Variants in FA2H observed in about 807,000 individuals in gnomAD.
The protein encoded by FA2H is fatty acid 2-hydroxylase.
FA2H carries 22 observed loss-of-function variants against 44.9 expected under a neutral mutation model. That is an observed-to-expected ratio of 0.49 (90% CI 0.35 to 0.70). The LOEUF (loss-of-function observed/expected upper bound fraction) is 0.70. Among genes scored for constraint, FA2H ranks in the 30% least tolerant of loss-of-function variants. The pLI is 0.01. For missense variants in FA2H, 501 were observed against 504.9 expected, an observed-to-expected ratio of 0.99 and a Z score of 0.07; for synonymous variants, 243 against 213.2, an observed-to-expected ratio of 1.14 and a Z score of -1.22.
intron 1 of FA2H, among the ~76,000 whole-genome samples, chr16:74,742,675 G>T (rs1962337205): frequency 6.6e-6 from 1 of 151,876 alleles, no homozygotes; most frequent in Non-Finnish European, 1.5e-5. Context: ...CTCTATCAAA[G>T]AAAAAATAAA....
intron 5 of FA2H, 38 bp downstream of exon 5, chr16:74,718,950 C>T (rs1961769939): frequency 6.2e-6 from 10 of 1,610,010 alleles, no homozygotes; most frequent in Non-Finnish European, 7.6e-6. Context: ...TCTCGGGCTG[C>T]ACATGCTAGG....
rs377341219 is a variant in FA2H at position 74,752,320 on chromosome 16, G to A, written c.271-12205C>T. On this transcript the variant is annotated intron_variant, in intron 1 of 6. Coordinates refer to ENST00000219368, the MANE Select transcript of FA2H (RefSeq NM_024306.5). ...TTCTGCTTAAAATCCTCCAGTGGCC[G>A]CCCTTGGTTCTCAGCATAAAATCTA... is the stretch of plus-strand genomic sequence containing the variant. Among the ~76,000 whole-genome samples, 13 of 152,172 alleles carry A rather than the reference G, an allele frequency of 8.5e-5. No homozygotes were observed. The East Asian group carries it at 1.7e-3, about 20-fold the overall frequency.
intron 2 of FA2H, among the ~76,000 whole-genome samples, chr16:74,739,566 G>T (rs372499311): frequency 1.3e-5 from 2 of 152,338 alleles, no homozygotes; most frequent in African/African-American, 4.8e-5. Flanking sequence ...AAACACGGAG[G>T]ATGGCTTCAG....
chr16:74,742,151 G>A (rs950298297), intron 1 of FA2H, among the ~76,000 whole-genome samples: 5 of 152,094 alleles, frequency 3.3e-5, no homozygotes, highest in Non-Finnish European at 7.4e-5. Flanking sequence ...TTCCCCAGTG[G>A]GTCGTGTTTC....
At chr16:74,765,881 A>G (rs1298730885) in intron 1 of FA2H, among the ~76,000 whole-genome samples, 1 of 152,184 alleles carries the variant, frequency 6.6e-6, no homozygotes, top group African/African-American at 2.4e-5. Flanking sequence ...ACCTATTGGT[A>G]TGTACCAGTG....
intron 1 of FA2H, among the ~76,000 whole-genome samples, chr16:74,773,993 G>A (rs543750509): frequency 2.6e-4 from 39 of 152,344 alleles, no homozygotes; most frequent in Non-Finnish European, 4.6e-4. Flanking sequence ...ACCCAAGCTA[G>A]TGAGAAGAGT....
Position 74,719,199 on chromosome 16 carries a change from A to G in FA2H, c.614-39T>C, listed in dbSNP as rs563816059. 5.0e-6 allele frequency: 8 copies of G among 1,588,488 alleles called. No individual in the cohort carries two copies. The South Asian group carries it at 8.8e-5, about 18-fold the overall frequency. ...GGGAGAGCGAGGTGAGGACCGGTGC[A>G]TAGCAGCCTGGTAGCTCCAGGTGTC... is the stretch of plus-strand genomic sequence containing the variant. On this transcript the variant is annotated intron_variant, in intron 4 of 6. Transcript: ENST00000219368.
At chr16:74,740,164 G>C in intron 1 of FA2H, 49 bp from the exon 2 acceptor site, 1 of 1,493,766 alleles carries the variant, frequency 6.7e-7, no homozygotes, top group East Asian at 2.3e-5. Context: ...TGAGGGAAGA[G>C]GGCAGAGCCC....
At chr16:74,728,318 C>T (rs753255952) in intron 2 of FA2H, among the ~76,000 whole-genome samples, 1 of 152,122 alleles carries the variant, frequency 6.6e-6, no homozygotes, top group Non-Finnish European at 1.5e-5. Flanking sequence ...TGTGGCATGC[C>T]AAGCAGGATA....
At chr16:74,751,299 T>C (rs1270772357) in intron 1 of FA2H, among the ~76,000 whole-genome samples, 1 of 152,146 alleles carries the variant, frequency 6.6e-6, no homozygotes, top group African/African-American at 2.4e-5. Context: ...TTTCACTATG[T>C]TGCCCAGGCT....
chr16:74,772,883 A>G (rs1962934203), intron 1 of FA2H, among the ~76,000 whole-genome samples: 1 of 151,852 alleles, frequency 6.6e-6, no homozygotes, highest in Non-Finnish European at 1.5e-5. Flanking sequence ...TAGGCATCTT[A>G]TTATCTTTTT....
At chr16:74,718,871 CCTCCCAACCCACAGCCAGA>C in intron 5 of FA2H, 98 bp downstream of exon 5, 2 of 1,238,132 alleles carry the variant, frequency 1.6e-6, no homozygotes, top group South Asian at 2.5e-5. Flanking sequence ...ACGTCCCGTC[CCTCCCAACCCACAGCCAGA>C]CTCCCAGGAG....
In FA2H at chr16:74,763,533, C is replaced by T. The variant is rs1027531580; in HGVS notation, c.270+10953G>A. On this transcript the variant is annotated intron_variant, in intron 1 of 6. Transcript: ENST00000219368. Reference sequence around the variant, plus strand: ...TCAGCTTCCCAAAGTGCCGGGATTACAGGCGTGCGCCACCGTGCCCGGCCT... The same window carrying T: ...TCAGCTTCCCAAAGTGCCGGGATTATAGGCGTGCGCCACCGTGCCCGGCCT... 2.6e-5 allele frequency among the ~76,000 whole-genome samples: 4 copies of T among 152,342 alleles called. No individual in the cohort carries two copies. In the South Asian group the frequency reaches 6.2e-4, roughly 24 times the overall value.
chr16:74,719,163 G>A lies in FA2H; in HGVS notation c.614-3C>T. 3.1e-6 allele frequency: 5 copies of A among 1,612,038 alleles called. No homozygotes were observed. The highest frequency in any genetic ancestry group is 4.2e-6 in the Non-Finnish European group (5 of 1,179,466). On this transcript the variant is annotated splice_region_variant and splice_polypyrimidine_tract_variant and intron_variant, in intron 4 of 6. Coordinates refer to ENST00000219368, the MANE Select transcript of FA2H (RefSeq NM_024306.5). ...CTTGGGCACTGCCACCGTGTACTCT[G>A]CAGGGTGGCAGGGAGAGCGAGGTGA...
Position 74,726,229 on chromosome 16 carries a change from T to G in FA2H, c.609A>C (p.Thr203=). Residue 203 remains threonine (T), a synonymous_variant, in exon 4 of 7, where the codon ACA becomes ACC. Coordinates refer to ENST00000219368, the MANE Select transcript of FA2H (RefSeq NM_024306.5). The stretch of plus-strand genomic sequence containing the variant: ...CAGGAAAGAAACTGGCATTACCTGT[T>G]GTAAATGACGTGAAGAGTCGGACGT... The part of the protein sequence containing the change: ...QGNVRLFTSF[T]TEYTVAVPKS... 6.2e-7 allele frequency: 1 copy of G among 1,610,080 alleles called. No homozygotes were observed. Among genetic ancestry groups the G allele is most frequent in the Non-Finnish European group, 8.5e-7 (1 of 1,176,496 alleles).
At chr16:74,756,550 C>G (rs899722618) in intron 1 of FA2H, among the ~76,000 whole-genome samples, 4 of 152,146 alleles carry the variant, frequency 2.6e-5, no homozygotes, top group African/African-American at 9.7e-5. Context: ...TCACTCCCAC[C>G]TCCTGTTCCT....
chr16:74,758,011 C>A (rs1041434235), intron 1 of FA2H, among the ~76,000 whole-genome samples: 3 of 151,868 alleles, frequency 2.0e-5, no homozygotes, highest in African/African-American at 7.3e-5. Flanking sequence ...AGAGTGAGAG[C>A]CTGTCTTTAA....
intron 1 of FA2H, among the ~76,000 whole-genome samples, chr16:74,740,373 T>C (rs1057036163): frequency 1.3e-5 from 2 of 151,992 alleles, no homozygotes; most frequent in African/African-American, 4.8e-5. Context: ...TCCCAGCACT[T>C]TGGGAGGTCA....
chr16:74,750,761 C>CTCTGTGTGTGTGTGTG (rs369189767), intron 1 of FA2H, among the ~76,000 whole-genome samples: 11 of 141,572 alleles, frequency 7.8e-5, no homozygotes, highest in Non-Finnish European at 1.7e-4. Flanking sequence ...TTTTTTTTCA[C>CTCTGTGTGTGTGTGTG]TGTGTGTGTG....
Sources: gnomAD v4.1 joint callset for allele counts (sites outside exome capture counted in the v4.1 genomes callset) on GRCh38, gnomAD v4.1.1 for gene constraint, MANE v1.5 for transcripts, NCBI Gene and HGNC (gene_info 2026-07-23, HGNC 2026-07-21) for gene names.